GPHN: variants seen among roughly 807,000 people sequenced by gnomAD.
The protein encoded by GPHN is gephyrin.
A neutral mutation model predicts 95.5 loss-of-function variants in GPHN; 17 were observed. The observed-to-expected ratio is 0.18, with a 90% CI of 0.12 to 0.27. The LOEUF is 0.27. Among genes scored for constraint, GPHN ranks in the 10% least tolerant of loss-of-function variants. The pLI is 1.00. For synonymous variants in GPHN, 320 were observed against 322.5 expected, an observed-to-expected ratio of 0.99 and a Z score of 0.08; for missense variants, 660 against 978.1, an observed-to-expected ratio of 0.67 and a Z score of 4.34.
At chr14:67,307,774 T>C in the GPHN span, among the ~76,000 whole-genome samples, 1 of 152,040 alleles carries the variant, frequency 6.6e-6, no homozygotes, top group Admixed American at 6.6e-5. Flanking sequence ...TAGTAAGAGA[T>C]ACAGAAATAA....
chr14:67,412,363 GTC>G, the GPHN span, among the ~76,000 whole-genome samples: 3 of 152,212 alleles, frequency 2.0e-5, no homozygotes, highest in Admixed American at 1.3e-4. Flanking sequence ...CACTGTTCCA[GTC>G]TCTCTGCTCA....
At chr14:66,889,642 A>T (rs2064370502) in intron 5 of GPHN, among the ~76,000 whole-genome samples, 1 of 152,132 alleles carries the variant, frequency 6.6e-6, no homozygotes, top group African/African-American at 2.4e-5. Flanking sequence ...GTAAGCATTT[A>T]AAAAATAATT....
chr14:66,760,848 AT>A, intron 2 of GPHN: 2 of 618,130 alleles, frequency 3.2e-6, no homozygotes, highest in Non-Finnish European at 5.9e-6. Flanking sequence ...GCCAAGCGAA[AT>A]TTATAATGAA....
At chr14:66,888,042 A>G (rs1326195817) in intron 5 of GPHN, among the ~76,000 whole-genome samples, 1 of 152,194 alleles carries the variant, frequency 6.6e-6, no homozygotes, top group Non-Finnish European at 1.5e-5. Flanking sequence ...CTCACTGCAT[A>G]CCTCCAAAAC....
chr14:67,374,597 A>G, the GPHN span: 16 of 1,253,276 alleles, frequency 1.3e-5, no homozygotes, highest in Non-Finnish European at 1.8e-5. Context: ...TGTTTAATAA[A>G]TAATTTGAAA....
the GPHN span, among the ~76,000 whole-genome samples, chr14:67,247,328 G>A: frequency 2.0e-5 from 3 of 152,222 alleles, no homozygotes; most frequent in South Asian, 6.2e-4. Context: ...GATCACTGAT[G>A]GTATATAGAA....
intron 1 of GPHN, among the ~76,000 whole-genome samples, chr14:66,578,561 A>G (rs1471815382): frequency 1.3e-5 from 2 of 151,358 alleles, no homozygotes; most frequent in African/African-American, 4.8e-5. Context: ...TCCTGAAAGC[A>G]GCAAGAGAAA....
the GPHN span, among the ~76,000 whole-genome samples, chr14:67,452,435 G>A: frequency 3.3e-5 from 5 of 151,776 alleles, no homozygotes; most frequent in Non-Finnish European, 7.4e-5. Flanking sequence ...TCATGATTGT[G>A]AGGCATTCCC....
chr14:66,991,667 G>A (rs1230639967), intron 9 of GPHN, among the ~76,000 whole-genome samples: 4 of 150,060 alleles, frequency 2.7e-5, no homozygotes, highest in Admixed American at 2.0e-4. Context: ...CCCTACTTGC[G>A]GGCTGATCAC....
chr14:66,741,978 C>T (rs1396413639), intron 2 of GPHN, among the ~76,000 whole-genome samples: 3 of 152,166 alleles, frequency 2.0e-5, no homozygotes, highest in Non-Finnish European at 4.4e-5. Context: ...GTGAGTCTTT[C>T]TTTTTTAGTC....
intron 3 of GPHN, among the ~76,000 whole-genome samples, chr14:66,801,699 A>G (rs1018167534): frequency 2.8e-5 from 4 of 142,590 alleles, no homozygotes; most frequent in Non-Finnish European, 6.0e-5. Context: ...TGTGGCCACC[A>G]TCTCTAGGAC....
chr14:67,348,866 T>TCCTGAGTAA, the GPHN span: 6 of 667,792 alleles, frequency 9.0e-6, no homozygotes, highest in Non-Finnish European at 1.5e-5. Context: ...AGTCAAGTTA[T>TCCTGAGTAA]CCTGAGTAAT....
the GPHN span, among the ~76,000 whole-genome samples, chr14:67,371,816 A>G: frequency 2.0e-5 from 3 of 152,226 alleles, no homozygotes; most frequent in Non-Finnish European, 4.4e-5. Flanking sequence ...AAACCCAACA[A>G]AGACATGTTT....
intron 3 of GPHN, among the ~76,000 whole-genome samples, chr14:66,822,695 A>C (rs1473115867): frequency 6.6e-6 from 1 of 152,218 alleles, no homozygotes; most frequent in Non-Finnish European, 1.5e-5. Context: ...GCATCTTAAA[A>C]TTTGAAAAGT....
chr14:67,650,436 A>G, the GPHN span: 3 of 414,174 alleles, frequency 7.2e-6, no homozygotes, highest in Non-Finnish European at 8.8e-6. Flanking sequence ...TTCCTTTTCC[A>G]GAACGCCTGA....
At chr14:67,601,132 C>T in the GPHN span, among the ~76,000 whole-genome samples, 1 of 152,122 alleles carries the variant, frequency 6.6e-6, no homozygotes, top group Admixed American at 6.5e-5. Context: ...CAGGGATGGA[C>T]TGAGGACTTT....
At chr14:67,491,487 T>G in the GPHN span, among the ~76,000 whole-genome samples, 3 of 152,130 alleles carry the variant, frequency 2.0e-5, no homozygotes, top group Non-Finnish European at 4.4e-5. Flanking sequence ...TAGCATAAAC[T>G]CAGGTGTTAT....
the GPHN span, chr14:67,199,568 C>A: frequency 6.3e-7 from 1 of 1,595,396 alleles, no homozygotes; most frequent in Admixed American, 1.7e-5. Flanking sequence ...CCTCTGTAAC[C>A]ACCCTATCAC....
At chr14:66,843,405 G>C (rs754185891) in intron 4 of GPHN, among the ~76,000 whole-genome samples, 1 of 152,094 alleles carries the variant, frequency 6.6e-6, no homozygotes, top group Non-Finnish European at 1.5e-5. Context: ...TAGCATTTCT[G>C]CTATCATCTA....
Sources: gnomAD v4.1 joint callset for allele counts (sites outside exome capture counted in the v4.1 genomes callset) on GRCh38, gnomAD v4.1.1 for gene constraint, MANE v1.5 for transcripts, NCBI Gene and HGNC (gene_info 2026-07-23, HGNC 2026-07-21) for gene names.